The following CACNA2D3 variants were observed in gnomAD, a reference collection of about 807,000 sequenced individuals.
The protein encoded by CACNA2D3 is calcium voltage-gated channel auxiliary subunit alpha2delta 3.
A neutral mutation model predicts 160.6 loss-of-function variants in CACNA2D3; 60 were observed. That is an observed-to-expected ratio of 0.37 (90% confidence interval 0.30 to 0.46). The LOEUF (loss-of-function observed/expected upper bound fraction) is 0.46. Among genes scored for constraint, CACNA2D3 ranks in the 20% least tolerant of loss-of-function variants. CACNA2D3 has a pLI of 1.00. For missense variants in CACNA2D3, 1,205 were observed against 1,365.0 expected (o/e 0.88, Z 1.85); for synonymous variants, 558 against 492.9 (o/e 1.13, Z -1.75).
intron 4 of CACNA2D3, among the ~76,000 whole-genome samples, chr3:54,449,152 C>A (rs1242111027): frequency 6.6e-6 from 1 of 152,164 alleles, no homozygotes; most frequent in Non-Finnish European, 1.5e-5. Context: ...ATCCAAGAAT[C>A]AATACGTGTT....
Position 54,541,297 on chromosome 3 carries a change from A to AAAAAG in CACNA2D3, c.545-21487_545-21483dup, listed in dbSNP as rs1288273611. 1.0e-4 allele frequency among the ~76,000 whole-genome samples: 13 copies of AAAAAG among 127,286 alleles called. No homozygotes were observed. The East Asian group carries it at 2.8e-3, about 27-fold the overall frequency. The allele number at this position is 127,286 out of a possible 152,430, so 83.5% of individuals were successfully genotyped here. A position where few individuals can be genotyped will look rare whatever the true frequency, so the allele number is the denominator to read the frequency against. ...GTCTCAGAAAAAAAAAAAAAAAAAAAAAAAGAAAAGAAAAGAAAAGGAGAA... is the reference window on the plus strand; with the variant it reads ...GTCTCAGAAAAAAAAAAAAAAAAAAAAAAAGAAAAGAAAAGAAAAGAAAAGGAGAA... On this transcript the variant is annotated intron_variant, in intron 5 of 37. Coordinates refer to ENST00000474759, the MANE Select transcript of CACNA2D3 (RefSeq NM_018398.3).
chr3:54,856,173 C>T (rs548120638), intron 17 of CACNA2D3, among the ~76,000 whole-genome samples: 11 of 152,220 alleles, frequency 7.2e-5, no homozygotes, highest in South Asian at 2.1e-4. Flanking sequence ...AAATAAATGA[C>T]GAGAGAAAAC....
intron 13 of CACNA2D3, among the ~76,000 whole-genome samples, chr3:54,805,270 T>G (rs544993323): frequency 6.6e-6 from 1 of 152,194 alleles, no homozygotes; most frequent in East Asian, 1.9e-4. Context: ...GGAGCTGGTT[T>G]TTTGAAAGGA....
intron 15 of CACNA2D3, among the ~76,000 whole-genome samples, chr3:54,837,676 T>C (rs1289908060): frequency 1.3e-5 from 2 of 152,164 alleles, no homozygotes; most frequent in Non-Finnish European, 2.9e-5. Context: ...CTGAAGGTTC[T>C]AGGGAAGAAT....
intron 2 of CACNA2D3, among the ~76,000 whole-genome samples, chr3:54,252,534 C>T (rs1293882291): frequency 2.0e-5 from 3 of 152,184 alleles, no homozygotes; most frequent in Non-Finnish European, 2.9e-5. Flanking sequence ...CACTAGGACT[C>T]AGCTGCAGTC....
chr3:54,249,588 C>CACACACACACCA (rs58638743), intron 2 of CACNA2D3, among the ~76,000 whole-genome samples: 1 of 147,486 alleles, frequency 6.8e-6, no homozygotes, highest in Non-Finnish European at 1.5e-5. Context: ...CACACACACA[C>CACACACACACCA]CAGGCTACAT....
intron 2 of CACNA2D3, among the ~76,000 whole-genome samples, chr3:54,294,336 CAA>C (rs1703288317): frequency 6.6e-6 from 1 of 152,146 alleles, no homozygotes; most frequent in African/African-American, 2.4e-5. Flanking sequence ...GGGTATGCGA[CAA>C]AGTTTTTCGA....
chr3:54,329,527 C>G (rs1057250149), intron 3 of CACNA2D3, among the ~76,000 whole-genome samples: 1 of 152,220 alleles, frequency 6.6e-6, no homozygotes, highest in African/African-American at 2.4e-5. Context: ...ATGAACCTGA[C>G]ACAGCAATGT....
At chr3:54,776,715 C>T (rs1222208962) in intron 13 of CACNA2D3, among the ~76,000 whole-genome samples, 1 of 152,128 alleles carries the variant, frequency 6.6e-6, no homozygotes, top group Non-Finnish European at 1.5e-5. Flanking sequence ...AGTGGGTCTT[C>T]TTTCCTATTC....
chr3:54,661,838 ATGTGTGTATGTGTGTGTGTG>A (rs761081638), intron 11 of CACNA2D3, among the ~76,000 whole-genome samples: 19,227 of 146,566 alleles, frequency 0.13, 1,299 homozygotes, highest in Middle Eastern at 0.17. Context: ...CATCTCAGGG[ATGTGTGTATGTGTGTGTGTG>A]TGTGTGTGTG....
chr3:54,958,095 C>T (rs961758293), intron 27 of CACNA2D3, among the ~76,000 whole-genome samples: 2 of 152,214 alleles, frequency 1.3e-5, no homozygotes, highest in Middle Eastern at 3.2e-3. Flanking sequence ...ACAGGGAATA[C>T]AGCAGTAAAC....
At chr3:54,830,263 G>A (rs937147296) in intron 14 of CACNA2D3, among the ~76,000 whole-genome samples, 3 of 151,596 alleles carry the variant, frequency 2.0e-5, no homozygotes, top group African/African-American at 7.3e-5. Context: ...TTATCTTAAA[G>A]AATCAATGGT....
chr3:54,791,040 AT>A lies in CACNA2D3; in HGVS notation c.1381-25802del, dbSNP rs5849060. ...TGTCTGATTTTGGCACCTTCTTTGT[AT>A]TTTTTTTTTTAACTTTCTGTTATGG... On this transcript the variant is annotated intron_variant, in intron 13 of 37. Coordinates refer to ENST00000474759, the MANE Select transcript of CACNA2D3 (RefSeq NM_018398.3). 5.3e-4 allele frequency among the ~76,000 whole-genome samples: 79 copies of A among 149,516 alleles called. 1 individual carries two copies. The highest frequency in any genetic ancestry group is 1.6e-3 in the African/African-American group (67 of 40,750).
chr3:54,147,517 G>A (rs1256298966), intron 2 of CACNA2D3, among the ~76,000 whole-genome samples: 1 of 152,228 alleles, frequency 6.6e-6, no homozygotes, highest in Non-Finnish European at 1.5e-5. Flanking sequence ...GGTATCCCAT[G>A]GTAGAAACAA....
At chr3:54,276,972 G>A (rs549339082) in intron 2 of CACNA2D3, among the ~76,000 whole-genome samples, 9 of 152,326 alleles carry the variant, frequency 5.9e-5, no homozygotes, top group South Asian at 4.1e-4. Context: ...CAGGCATGCC[G>A]CTTCTTGTTG....
Position 54,562,873 on chromosome 3 carries a change from C to T in CACNA2D3, c.618C>T (p.Asp206=). The change falls in exon 6 of 38, where the codon GAC becomes GAT. Residue 206 remains aspartate (D), a synonymous_variant. Transcript: ENST00000474759. ...TTTTTGTAGATAACTTTGACCGTGA[C>T]CCATCTCTCATATGGCAGTACTTTG... ...NKVFVDNFDR[D]PSLIWQYFGS... is the part of the protein sequence containing the mutation. 2.5e-6 allele frequency: 4 copies of T among 1,613,548 alleles called. No individual in the cohort carries two copies. Among genetic ancestry groups the T allele is most frequent in the Non-Finnish European group, 3.4e-6 (4 of 1,179,526 alleles).
intron 4 of CACNA2D3, among the ~76,000 whole-genome samples, chr3:54,478,884 T>C (rs1303500978): frequency 2.6e-5 from 4 of 151,344 alleles, no homozygotes; most frequent in African/African-American, 9.7e-5. Flanking sequence ...TTATTACTTA[T>C]TGTTAATCTC....
chr3:54,447,708 C>T (rs944350963), intron 4 of CACNA2D3, among the ~76,000 whole-genome samples: 5 of 152,232 alleles, frequency 3.3e-5, no homozygotes, highest in African/African-American at 1.2e-4. Flanking sequence ...GAGATCCTGA[C>T]TTTCCTGTTC....
intron 33 of CACNA2D3, among the ~76,000 whole-genome samples, chr3:55,008,689 A>G (rs1575433501): frequency 2.0e-5 from 3 of 152,164 alleles, no homozygotes. Flanking sequence ...TAATAGTGGG[A>G]TTTTGATTGA....
Sources: gnomAD v4.1 joint callset for allele counts (sites outside exome capture counted in the v4.1 genomes callset) on GRCh38, gnomAD v4.1.1 for gene constraint, MANE v1.5 for transcripts, NCBI Gene and HGNC (gene_info 2026-07-23, HGNC 2026-07-21) for gene names.